TAOK1: variants seen among roughly 807,000 people sequenced by gnomAD.
The protein encoded by TAOK1 is serine/threonine-protein kinase TAO1.
In TAOK1, 21 loss-of-function variants were observed where a neutral mutation model predicts 138.3. That is an observed-to-expected ratio of 0.15 (90% CI 0.11 to 0.22). The LOEUF is 0.22. Ranked by LOEUF, TAOK1 falls within the 10% of genes least tolerant of loss-of-function variation. TAOK1 has a pLI of 1.00. For synonymous variants in TAOK1, 361 were observed against 398.4 expected (o/e 0.91, Z 1.12); for missense variants, 651 against 1,227.7 (o/e 0.53, Z 7.02).
intron 1 of TAOK1, among the ~76,000 whole-genome samples, chr17:29,401,088 A>G (rs1280375489): frequency 6.6e-6 from 1 of 151,164 alleles, no homozygotes; most frequent in Non-Finnish European, 1.5e-5. Context: ...TTTTGAAAAA[A>G]TTTTTTTGTG....
chr17:29,476,723 T>A (rs899546908), intron 4 of TAOK1, among the ~76,000 whole-genome samples: 1 of 152,208 alleles, frequency 6.6e-6, no homozygotes, highest in Non-Finnish European at 1.5e-5. Context: ...CATCCACCTA[T>A]TATTTTTTCA....
chr17:29,468,277 C>T (rs2030729873), intron 3 of TAOK1, among the ~76,000 whole-genome samples: 1 of 150,994 alleles, frequency 6.6e-6, no homozygotes, highest in South Asian at 2.1e-4. Context: ...GCTGGGACTA[C>T]AGGTGCATGC....
intron 19 of TAOK1, among the ~76,000 whole-genome samples, chr17:29,541,543 A>C (rs2032317427): frequency 6.6e-6 from 1 of 151,530 alleles, no homozygotes; most frequent in African/African-American, 2.4e-5. Flanking sequence ...TGGGAGGCTG[A>C]GGCGGGAGGA....
chr17:29,446,364 A>G (rs879387886), intron 1 of TAOK1, among the ~76,000 whole-genome samples: 2 of 151,686 alleles, frequency 1.3e-5, no homozygotes, highest in Non-Finnish European at 2.9e-5. Context: ...CCCTCAGCCT[A>G]CCGAGTACCT....
rs1378066622 is a variant in TAOK1, at chr17:29,546,690, C to A, written c.*3668C>A. 6.6e-6 allele frequency: 1 copy of A among 151,934 alleles called. No homozygotes were observed. Among genetic ancestry groups the A allele is most frequent in the Non-Finnish European group, 1.5e-5 (1 of 67,962 alleles). The allele number at this position is 151,934 out of a possible 1,614,324, so 9.4% of individuals were successfully genotyped here. ...TGCACATTTTTGGTATAGCTATTAT[C>A]ATTTGTATGTATATATTGTATATAC... On this transcript the variant is annotated 3_prime_UTR_variant, in exon 20 of 20. Coordinates refer to ENST00000261716, the MANE Select transcript of TAOK1 (RefSeq NM_020791.4).
intron 1 of TAOK1, among the ~76,000 whole-genome samples, chr17:29,444,453 C>G (rs534754441): frequency 6.6e-6 from 1 of 152,106 alleles, no homozygotes; most frequent in Non-Finnish European, 1.5e-5. Context: ...GCTGTTAACT[C>G]TAGTCTAACA....
intron 17 of TAOK1, among the ~76,000 whole-genome samples, chr17:29,523,031 C>T (rs2031945405): frequency 6.8e-6 from 1 of 147,492 alleles, no homozygotes; most frequent in Non-Finnish European, 1.5e-5. Flanking sequence ...GTCAAGAACA[C>T]ACCACAGCAC....
chr17:29,474,367 C>T (rs1406010438), intron 3 of TAOK1, among the ~76,000 whole-genome samples: 2 of 152,160 alleles, frequency 1.3e-5, no homozygotes, highest in East Asian at 1.9e-4. Flanking sequence ...TGCAAAAGGC[C>T]TAGCTTCAAA....
rs1347904719 is a variant in TAOK1, at chr17:29,507,996, C to G, written c.1439C>G (p.Thr480Ser). The part of the protein sequence containing the change: ...MRRQHQKQLM[T>S]LENKLKAEMD... The stretch of plus-strand genomic sequence containing the variant: ...CGACAACATCAAAAGCAACTGATGA[C>G]TCTGGAAAACAAGCTAAAGGCTGAG... The change falls in exon 14 of 20, where the codon ACT (threonine) becomes AGT (serine). Residue 480 changes from threonine to serine, a missense_variant. By Grantham distance (58) the Thr-to-Ser change is moderately conservative. Transcript: ENST00000261716. 1.2e-6 allele frequency: 2 copies of G among 1,613,938 alleles called. No individual in the cohort carries two copies. The highest frequency in any genetic ancestry group is 2.7e-5 in the African/African-American group (2 of 74,890).
intron 1 of TAOK1, among the ~76,000 whole-genome samples, chr17:29,435,943 A>G (rs1191706368): frequency 6.6e-6 from 1 of 152,234 alleles, no homozygotes; most frequent in Non-Finnish European, 1.5e-5. Context: ...AGCCTGGCCA[A>G]CATGGTGAAA....
At position 29,543,692 on chromosome 17, in the gene TAOK1, T is replaced by G. The variant is rs767370912; in HGVS notation, c.*670T>G. The G allele has an allele frequency of 1.3e-5, 2 of 152,344 alleles. No homozygotes were observed. The highest frequency in any genetic ancestry group is 1.3e-4 in the Admixed American group (2 of 15,284). The allele number at this position is 152,344 out of a possible 1,614,324, so 9.4% of individuals were successfully genotyped here. A position where few individuals can be genotyped will look rare whatever the true frequency, so the allele number is the denominator to read the frequency against. On this transcript the variant is annotated 3_prime_UTR_variant, in exon 20 of 20. Coordinates refer to ENST00000261716, the MANE Select transcript of TAOK1 (RefSeq NM_020791.4). ...ACACTAAAGGACTTCATTGATTTTTTCAGAGAGTAGAAAACAACTTAGTTT... is the reference window on the plus strand; with the variant it reads ...ACACTAAAGGACTTCATTGATTTTTGCAGAGAGTAGAAAACAACTTAGTTT...
intron 19 of TAOK1, among the ~76,000 whole-genome samples, chr17:29,539,045 C>T (rs968232854): frequency 6.6e-6 from 1 of 151,990 alleles, no homozygotes; most frequent in Non-Finnish European, 1.5e-5. Context: ...TCACTTGGTG[C>T]TCAGGAGTTT....
intron 1 of TAOK1, among the ~76,000 whole-genome samples, chr17:29,416,772 T>G (rs1194604579): frequency 6.6e-6 from 1 of 152,174 alleles, no homozygotes. Flanking sequence ...AGGCAAAATT[T>G]GAACTCATTA....
chr17:29,411,248 C>A (rs1294499615), intron 1 of TAOK1, among the ~76,000 whole-genome samples: 1 of 150,166 alleles, frequency 6.7e-6, no homozygotes. Context: ...CCCGCCACTA[C>A]GCCCGGCTAA....
chr17:29,411,569 T>G (rs369388841), intron 1 of TAOK1, among the ~76,000 whole-genome samples: 1 of 152,006 alleles, frequency 6.6e-6, no homozygotes, highest in Non-Finnish European at 1.5e-5. Flanking sequence ...TTTTTTTTTT[T>G]TGTGGTAGCG....
chr17:29,411,865 C>G (rs935923218), intron 1 of TAOK1, among the ~76,000 whole-genome samples: 2 of 152,134 alleles, frequency 1.3e-5, no homozygotes, highest in African/African-American at 4.8e-5. Flanking sequence ...TGTCCCTTCT[C>G]CCTTAATAAC....
chr17:29,465,257 G>A (rs1004616633), intron 2 of TAOK1, among the ~76,000 whole-genome samples: 2 of 143,000 alleles, frequency 1.4e-5, no homozygotes, highest in African/African-American at 5.2e-5. Flanking sequence ...ATGTTCAAGC[G>A]ATTCTCCTGC....
At chr17:29,515,116 A>C (rs939965032) in intron 15 of TAOK1, 1 of 152,124 alleles carries the variant, frequency 6.6e-6, no homozygotes, top group Non-Finnish European at 1.5e-5. Flanking sequence ...TGGTATGTAA[A>C]ACAATGTGGA....
rs755948295 is a variant in TAOK1, at chr17:29,502,710, G to A, written c.1325G>A (p.Arg442Gln). 6.2e-7 allele frequency: 1 copy of A among 1,613,018 alleles called. No individual in the cohort carries two copies. The highest frequency in any genetic ancestry group is 1.7e-5 in the Admixed American group (1 of 59,874). ...AATCGAGAACACTTTGCTACTATAC[G>A]GACAGCATCACTGGTATGTACTTAC... ...YRNREHFATI[R>Q]TASLVTRQMQ... The change falls in exon 13 of 20, where the codon CGG (arginine) becomes CAG (glutamine). Residue 442 changes from arginine to glutamine, a missense_variant. Around this residue, in one of 8 missense-constraint regions of TAOK1, gnomAD observed 3 missense variants for 25.7 expected, o/e 0.12. Transcript: ENST00000261716.
Sources: gnomAD v4.1 joint callset for allele counts (sites outside exome capture counted in the v4.1 genomes callset) on GRCh38, gnomAD v4.1.1 for gene constraint, gnomAD v4.1.1 regional missense constraint, MANE v1.5 for transcripts, NCBI Gene and HGNC (gene_info 2026-07-23, HGNC 2026-07-21) for gene names.